Variants in VTI1A observed in about 807,000 individuals in gnomAD.
VTI1A encodes vesicle transport through interaction with t-SNAREs 1A.
VTI1A carries 22 observed loss-of-function variants against 34.9 expected under a neutral mutation model. That is an observed-to-expected ratio of 0.63 (90% CI 0.45 to 0.90). The LOEUF (loss-of-function observed/expected upper bound fraction) is 0.90. Among genes scored for constraint, VTI1A ranks in the 40% least tolerant of loss-of-function variants. The pLI is 0.00. For synonymous variants in VTI1A, 87 were observed against 97.3 expected (o/e 0.89, Z 0.62); for missense variants, 268 against 275.6 (o/e 0.97, Z 0.20).
chr10:112,535,478 G>A (rs574722013), intron 4 of VTI1A, among the ~76,000 whole-genome samples: 1 of 152,268 alleles, frequency 6.6e-6, no homozygotes, highest in East Asian at 1.9e-4. Flanking sequence ...GTTTCGCTTG[G>A]AAACAAAAAT....
At chr10:112,697,866 A>ATGTGTGTGTGTG (rs67142519) in intron 7 of VTI1A, among the ~76,000 whole-genome samples, 11 of 134,820 alleles carry the variant, frequency 8.2e-5, no homozygotes, top group African/African-American at 2.3e-4. Context: ...TAGCATTTAC[A>ATGTGTGTGTGTG]TGTGTGTGTG....
intron 7 of VTI1A, among the ~76,000 whole-genome samples, chr10:112,679,028 A>C (rs1203432688): frequency 6.6e-6 from 1 of 152,140 alleles, no homozygotes; most frequent in African/African-American, 2.4e-5. Context: ...GCAATTGATA[A>C]TTATTATTTA....
chr10:112,496,192 C>CCG lies in VTI1A; in HGVS notation c.265-30894_265-30893insGC, dbSNP rs1554888914. On this transcript the variant is annotated intron_variant, in intron 3 of 7. Coordinates refer to ENST00000393077, the MANE Select transcript of VTI1A (RefSeq NM_145206.4). The stretch of plus-strand genomic sequence containing the variant: ...GCATAGGCAAATGGGGAGACCCCCC[C>CCG]CCCCCCCCCGCCGTCTCTAAACAAA... Among the ~76,000 whole-genome samples, 2 of 114,960 alleles carry CCG rather than the reference C, an allele frequency of 1.7e-5. 1 individual carries two copies. The highest frequency in any genetic ancestry group is 3.6e-5 in the Non-Finnish European group (2 of 54,988). The allele number at this position is 114,960 out of a possible 152,430, so 75.4% of individuals were successfully genotyped here. A position where few individuals can be genotyped will look rare whatever the true frequency, so the allele number is the denominator to read the frequency against.
intron 7 of VTI1A, among the ~76,000 whole-genome samples, chr10:112,745,232 GT>G (rs879405532): frequency 3.3e-4 from 48 of 143,450 alleles, no homozygotes; most frequent in African/African-American, 1.0e-3. Context: ...ATCAAAACTT[GT>G]TTTTTTTTTA....
chr10:112,667,100 G>A (rs7903748), intron 5 of VTI1A, among the ~76,000 whole-genome samples: 65,796 of 151,810 alleles, frequency 0.43, 15,821 homozygotes, highest in African/African-American at 0.63. Flanking sequence ...CTAGCAGTGT[G>A]CATATATGAG....
At position 112,554,357 on chromosome 10, in the gene VTI1A, A is replaced by G. The variant is rs141875109; in HGVS notation, c.427+16027A>G. 2.4e-3 allele frequency among the ~76,000 whole-genome samples: 358 copies of G among 152,320 alleles called. 1 individual carries two copies. The highest frequency in any genetic ancestry group is 8.1e-3 in the African/African-American group (337 of 41,582). ...TGGAATCCTGGAACAGAAAAAGGAC[A>G]TTGTGCAAAAACCAAGGACATATGA... On this transcript the variant is annotated intron_variant, in intron 5 of 7. Transcript: ENST00000393077.
chr10:112,778,379 C>T (rs561142198), intron 7 of VTI1A, among the ~76,000 whole-genome samples: 1 of 152,310 alleles, frequency 6.6e-6, no homozygotes, highest in Non-Finnish European at 1.5e-5. Flanking sequence ...CACTTGTCCC[C>T]CTGATAACTG....
intron 7 of VTI1A, among the ~76,000 whole-genome samples, chr10:112,795,304 A>C (rs1223731709): frequency 1.3e-5 from 2 of 152,196 alleles, no homozygotes; most frequent in East Asian, 3.8e-4. Context: ...CACCTTTGCC[A>C]TAGATTTGGT....
chr10:112,612,394 A>G (rs1845351876), intron 5 of VTI1A, among the ~76,000 whole-genome samples: 1 of 152,180 alleles, frequency 6.6e-6, no homozygotes, highest in South Asian at 2.1e-4. Flanking sequence ...TATAATAAAA[A>G]GACAAGCACC....
intron 5 of VTI1A, among the ~76,000 whole-genome samples, chr10:112,579,830 A>T (rs929075641): frequency 2.6e-5 from 4 of 152,272 alleles, no homozygotes; most frequent in East Asian, 1.9e-4. Context: ...GTGCAGCATC[A>T]TGGAAGCTAA....
intron 7 of VTI1A, among the ~76,000 whole-genome samples, chr10:112,797,679 A>C (rs987066602): frequency 3.4e-5 from 5 of 147,816 alleles, no homozygotes; most frequent in African/African-American, 1.2e-4. Flanking sequence ...AAAGTAGCCA[A>C]TCTGTGATGA....
chr10:112,697,399 C>CTTTTT (rs57723783), intron 7 of VTI1A, among the ~76,000 whole-genome samples: 72 of 113,960 alleles, frequency 6.3e-4, no homozygotes, highest in Non-Finnish European at 8.7e-4. Context: ...CTTTTCTTTT[C>CTTTTT]TTTTTTTTTT....
intron 3 of VTI1A, among the ~76,000 whole-genome samples, chr10:112,498,515 C>A (rs1031050540): frequency 6.6e-6 from 1 of 151,866 alleles, no homozygotes; most frequent in African/African-American, 2.4e-5. Context: ...TTCCTAGATA[C>A]TTCTGTAAAA....
Position 112,533,609 on chromosome 10 carries a change from T to C in VTI1A, c.343-4637T>C, listed in dbSNP as rs1445198622. On this transcript the variant is annotated intron_variant, in intron 4 of 7. Coordinates refer to ENST00000393077, the MANE Select transcript of VTI1A (RefSeq NM_145206.4). The stretch of plus-strand genomic sequence containing the variant: ...TTCTGCTTTTCCCTATAAAATTGAG[T>C]TTTTAAATCTGAAGTGGATCTTTGG... 2.0e-5 allele frequency: 19 copies of C among 964,008 alleles called. No individual in the cohort carries two copies. The Admixed American group carries it at 1.0e-3, about 52-fold the overall frequency. The allele number at this position is 964,008 out of a possible 1,614,324, so 59.7% of individuals were successfully genotyped here. A position where few individuals can be genotyped will look rare whatever the true frequency, so the allele number is the denominator to read the frequency against.
the VTI1A span, among the ~76,000 whole-genome samples, chr10:112,851,049 T>C: frequency 1.3e-5 from 2 of 152,258 alleles, no homozygotes; most frequent in African/African-American, 4.8e-5. Flanking sequence ...CCTTCCGAAC[T>C]CTGCTTTCAC....
intron 3 of VTI1A, among the ~76,000 whole-genome samples, chr10:112,488,844 G>T (rs1848730151): frequency 6.6e-6 from 1 of 152,144 alleles, no homozygotes; most frequent in Non-Finnish European, 1.5e-5. Context: ...AGCCTCAGTA[G>T]TCCTAGAAAC....
At chr10:112,447,020 C>T (rs1846838465), upstream of VTI1A, 3 of 279,506 alleles carry the variant, frequency 1.1e-5, no homozygotes, top group South Asian at 6.5e-5. Flanking sequence ...CGTGTGGATC[C>T]GGAGCCGATT....
At chr10:112,758,802 A>G (rs1434793433) in intron 7 of VTI1A, among the ~76,000 whole-genome samples, 2 of 152,226 alleles carry the variant, frequency 1.3e-5, no homozygotes, top group Admixed American at 6.5e-5. Context: ...CCCATTCTCA[A>G]TGCATGTTTT....
intron 7 of VTI1A, among the ~76,000 whole-genome samples, chr10:112,793,564 T>C (rs1281807385): frequency 6.6e-6 from 1 of 152,134 alleles, no homozygotes; most frequent in Non-Finnish European, 1.5e-5. Flanking sequence ...AATCTCTCTT[T>C]TGTTTGTTTG....
Sources: gnomAD v4.1 joint callset for allele counts (sites outside exome capture counted in the v4.1 genomes callset) on GRCh38, gnomAD v4.1.1 for gene constraint, MANE v1.5 for transcripts, NCBI Gene and HGNC (gene_info 2026-07-23, HGNC 2026-07-21) for gene names.